STARD10: variants seen among roughly 807,000 people sequenced by gnomAD.
STARD10 encodes the protein StAR related lipid transfer domain containing 10, also known as START domain-containing protein 10.
STARD10 carries 24 observed loss-of-function variants against 36.0 expected under a neutral mutation model. The ratio of observed to expected loss-of-function variants is 0.67; its 90% confidence interval spans 0.48 to 0.94. The LOEUF (loss-of-function observed/expected upper bound fraction) is 0.94. Among genes scored for constraint, STARD10 ranks in the 40% least tolerant of loss-of-function variants. STARD10 has a pLI of 0.00. For missense variants in STARD10, 335 were observed against 396.6 expected (o/e 0.84, Z 1.32); for synonymous variants, 156 against 161.9 (o/e 0.96, Z 0.28).
In STARD10 at chr11:72,759,389, C is replaced by T; in HGVS notation, c.208-8G>A. On this transcript the variant is annotated splice_polypyrimidine_tract_variant and splice_region_variant and intron_variant, in intron 2 of 6. Transcript: ENST00000334805. Reference sequence around the variant, plus strand: ...ACAGCACTCCATCCGGCACTGCAGACAAGATATATGGGTTGTCAGGATCAT... The same window carrying T: ...ACAGCACTCCATCCGGCACTGCAGATAAGATATATGGGTTGTCAGGATCAT... The T allele has an allele frequency of 6.2e-7, 1 of 1,614,078 alleles. No individual in the cohort carries two copies. Among genetic ancestry groups the T allele is most frequent in the Non-Finnish European group, 8.5e-7 (1 of 1,179,990 alleles).
intron 5 of STARD10, among the ~76,000 whole-genome samples, chr11:72,757,199 G>A (rs1171551472): frequency 1.3e-5 from 2 of 151,680 alleles, no homozygotes; most frequent in East Asian, 3.9e-4. Flanking sequence ...GGAAGAGGGA[G>A]TGACCCCAAA....
intron 5 of STARD10, 105 bp downstream of exon 5, chr11:72,757,662 A>G (rs1858661887): frequency 1.9e-6 from 2 of 1,042,502 alleles, no homozygotes; most frequent in South Asian, 1.4e-5. Context: ...CCCAAAATGC[A>G]AAACAGCTCC....
intron 5 of STARD10, among the ~76,000 whole-genome samples, chr11:72,756,373 C>T (rs1858644378): frequency 6.6e-6 from 1 of 152,070 alleles, no homozygotes; most frequent in Non-Finnish European, 1.5e-5. Flanking sequence ...TCCCCATCCT[C>T]TAGTCATTCA....
At chr11:72,773,833 C>G (rs1858895930) in intron 2 of STARD10, among the ~76,000 whole-genome samples, 1 of 152,202 alleles carries the variant, frequency 6.6e-6, no homozygotes, top group Non-Finnish European at 1.5e-5. Flanking sequence ...TGCTCGTCAC[C>G]CGTTCAGGAT....
At chr11:72,783,587 T>A (rs1263220449) in intron 1 of STARD10, 1 of 153,036 alleles carries the variant, frequency 6.5e-6, no homozygotes, top group Non-Finnish European at 1.5e-5. Flanking sequence ...GGGTATCAGA[T>A]AAAACCCAAA....
chr11:72,772,559 C>A (rs1858877087), intron 2 of STARD10, among the ~76,000 whole-genome samples: 1 of 152,194 alleles, frequency 6.6e-6, no homozygotes, highest in South Asian at 2.1e-4. Context: ...ACCCCTGTAG[C>A]CACATCCTCT....
At chr11:72,755,306 CTTTTTTTTT>C in intron 6 of STARD10, 164 bp from the exon 7 acceptor site, 3 of 355,950 alleles carry the variant, frequency 8.4e-6, no homozygotes, top group Admixed American at 5.4e-5. Flanking sequence ...ATTCTCCATT[CTTTTTTTTT>C]TTTTTTTTTT....
chr11:72,778,895 T>C (rs1858958054), intron 2 of STARD10, among the ~76,000 whole-genome samples: 1 of 152,204 alleles, frequency 6.6e-6, no homozygotes, highest in Non-Finnish European at 1.5e-5. Context: ...GGTGTATGCC[T>C]GTCCAGAAGC....
rs1189000490 is a variant in STARD10, at chr11:72,761,917, C to CTTTTTTTTTTTTTTTTTTTTTTTTTT, written c.208-2537_208-2536insAAAAAAAAAAAAAAAAAAAAAAAAAA. ...TCTGTATTTCTTTTTCTTTTCTTTT[C>CTTTTTTTTTTTTTTTTTTTTTTTTTT]TTTTTTTTTTTTTTTTTTTTTTTTT... On this transcript the variant is annotated intron_variant, in intron 2 of 6. Coordinates refer to ENST00000334805, the MANE Select transcript of STARD10 (RefSeq NM_006645.3). 3.5e-4 allele frequency among the ~76,000 whole-genome samples: 13 copies of CTTTTTTTTTTTTTTTTTTTTTTTTTT among 37,478 alleles called. 1 individual carries two copies. The South Asian group carries it at 3.7e-3, about 11-fold the overall frequency. The allele number at this position is 37,478 out of a possible 152,430, so 24.6% of individuals were successfully genotyped here.
At position 72,788,751 on chromosome 11, in the gene STARD10, T is replaced by C. The variant is rs1859105326; in HGVS notation, c.-114+4124A>G. ...CTAATTTTTGTATTTTTAGTAGAGA[T>C]GAGGTTTCACTATGTTGGCCAGGCT... On this transcript the variant is annotated intron_variant, in intron 1 of 6. Coordinates refer to ENST00000334805, the MANE Select transcript of STARD10 (RefSeq NM_006645.3). Among the ~76,000 whole-genome samples, 7 of 152,112 alleles carry C rather than the reference T, an allele frequency of 4.6e-5. No individual in the cohort carries two copies. In the South Asian group the frequency reaches 1.2e-3, roughly 27 times the overall value.
intron 2 of STARD10, among the ~76,000 whole-genome samples, chr11:72,773,496 C>A (rs2135620324): frequency 6.6e-6 from 1 of 152,352 alleles, no homozygotes; most frequent in African/African-American, 2.4e-5. Context: ...GTGTGACTCA[C>A]ACACACAGAG....
At chr11:72,762,122 C>T (rs915811479) in intron 2 of STARD10, among the ~76,000 whole-genome samples, 29 of 151,586 alleles carry the variant, frequency 1.9e-4, no homozygotes, top group African/African-American at 6.3e-4. Flanking sequence ...GACGGGGTTT[C>T]ACCATGTTGG....
intron 2 of STARD10, among the ~76,000 whole-genome samples, chr11:72,779,968 C>T (rs1858971360): frequency 1.3e-5 from 2 of 151,992 alleles, no homozygotes; most frequent in South Asian, 4.1e-4. Flanking sequence ...AGACTAGGTC[C>T]CAGGCAGAAG....
chr11:72,757,165 A>T (rs1230790597), intron 5 of STARD10, among the ~76,000 whole-genome samples: 1 of 151,738 alleles, frequency 6.6e-6, no homozygotes, highest in Non-Finnish European at 1.5e-5. Flanking sequence ...AAAAAAAAAA[A>T]AATCAATGGC....
intron 2 of STARD10, among the ~76,000 whole-genome samples, chr11:72,764,380 A>C (rs1023157898): frequency 7.9e-5 from 12 of 152,224 alleles, no homozygotes; most frequent in African/African-American, 2.7e-4. Context: ...GCTCAGCGTA[A>C]ACTCTGAGTA....
intron 1 of STARD10, among the ~76,000 whole-genome samples, chr11:72,791,081 T>C (rs758790062): frequency 1.3e-5 from 2 of 152,212 alleles, no homozygotes; most frequent in Non-Finnish European, 2.9e-5. Context: ...AATTTATAGG[T>C]AAACCTTGAT....
At chr11:72,791,305 T>A (rs1247824479) in intron 1 of STARD10, among the ~76,000 whole-genome samples, 1 of 152,118 alleles carries the variant, frequency 6.6e-6, no homozygotes, top group Non-Finnish European at 1.5e-5. Context: ...GGAGTATACA[T>A]TAGACACTAA....
At position 72,786,288 on chromosome 11, in the gene STARD10, G is replaced by C. The variant is rs1017888196; in HGVS notation, c.-113-4994C>G. Among the ~76,000 whole-genome samples the C allele has an allele frequency of 2.5e-4, 38 of 152,220 alleles. 1 individual carries two copies. The highest frequency in any genetic ancestry group is 8.2e-4 in the African/African-American group (34 of 41,512). ...GATGGCTTGAGCCCGGGAGATCAAGGCTGCAGTGAGCTGAGATGTTGCCAC... is the reference window on the plus strand; with the variant it reads ...GATGGCTTGAGCCCGGGAGATCAAGCCTGCAGTGAGCTGAGATGTTGCCAC... On this transcript the variant is annotated intron_variant, in intron 1 of 6. Transcript: ENST00000334805.
chr11:72,759,216 C>G lies in STARD10; in HGVS notation c.355+18G>C, dbSNP rs768518521. On this transcript the variant is annotated intron_variant, in intron 3 of 6. Transcript: ENST00000334805. ...TGGAGGCCAAGGGGACTGGGATCAG[C>G]GTGCTACGCCTGCTCACAGGAGTAA... is the stretch of plus-strand genomic sequence containing the variant. 1.2e-6 allele frequency: 2 copies of G among 1,613,194 alleles called. No homozygotes were observed. Among genetic ancestry groups the G allele is most frequent in the East Asian group, 4.5e-5 (2 of 44,868 alleles).
Sources: gnomAD v4.1 joint callset for allele counts (sites outside exome capture counted in the v4.1 genomes callset) on GRCh38, gnomAD v4.1.1 for gene constraint, MANE v1.5 for transcripts, NCBI Gene and HGNC (gene_info 2026-07-23, HGNC 2026-07-21) for gene names.